The following DYNC1I1 variants were observed in gnomAD, a reference collection of about 807,000 sequenced individuals.
DYNC1I1 encodes dynein cytoplasmic 1 intermediate chain 1.
DYNC1I1 carries 43 observed loss-of-function variants against 86.6 expected under a neutral mutation model. The observed-to-expected ratio is 0.50, with a 90% CI of 0.39 to 0.64. DYNC1I1 has a LOEUF of 0.64. DYNC1I1 is among the 30% of genes least tolerant of loss of function. DYNC1I1 has a pLI of 0.00. For synonymous variants in DYNC1I1, 262 were observed against 283.7 expected (o/e 0.92, Z 0.77); for missense variants, 604 against 788.8 (o/e 0.77, Z 2.81).
chr7:95,923,500 T>C (rs1215038142), intron 6 of DYNC1I1, among the ~76,000 whole-genome samples: 1 of 152,172 alleles, frequency 6.6e-6, no homozygotes, highest in Admixed American at 6.6e-5. Flanking sequence ...ATGAGGTTTC[T>C]TGTGAAGCTT....
intron 10 of DYNC1I1, among the ~76,000 whole-genome samples, chr7:96,017,837 A>G (rs1003443115): frequency 2.6e-5 from 4 of 152,184 alleles, no homozygotes; most frequent in Non-Finnish European, 5.9e-5. Flanking sequence ...TGACAAGATG[A>G]AAACAAAGCA....
chr7:95,820,922 G>T (rs1795061130), intron 4 of DYNC1I1, among the ~76,000 whole-genome samples: 1 of 152,192 alleles, frequency 6.6e-6, no homozygotes, highest in Non-Finnish European at 1.5e-5. Context: ...TCCTTCTTCA[G>T]TATGGAAGTG....
At chr7:95,899,762 G>A (rs1008899316) in intron 6 of DYNC1I1, among the ~76,000 whole-genome samples, 2 of 152,066 alleles carry the variant, frequency 1.3e-5, no homozygotes, top group Non-Finnish European at 2.9e-5. Flanking sequence ...AGCACGGAGG[G>A]GAAGAAAAAT....
chr7:95,952,850 C>T (rs1158120713), intron 6 of DYNC1I1, among the ~76,000 whole-genome samples: 2 of 151,834 alleles, frequency 1.3e-5, no homozygotes, highest in East Asian at 1.9e-4. Flanking sequence ...CATTTTTGGA[C>T]TTGCTTCAGT....
downstream of DYNC1I1, among the ~76,000 whole-genome samples, chr7:96,100,368 C>CTTCCTTCCTTCCT (rs200447767): frequency 7.1e-6 from 1 of 141,294 alleles, no homozygotes; most frequent in Non-Finnish European, 1.5e-5. Flanking sequence ...TCCTTCCTTC[C>CTTCCTTCCTTCCT]TTCCTTCCTT....
chr7:95,925,188 G>A lies in DYNC1I1; in HGVS notation c.491-52324G>A, dbSNP rs562198956. ...GTGGCTGGGATGGTTCATGTAAGTG[G>A]GGACAAGACTTGCCAATATGTTATC... is the stretch of plus-strand genomic sequence containing the variant. On this transcript the variant is annotated intron_variant, in intron 6 of 16. Coordinates refer to ENST00000447467, the MANE Select transcript of DYNC1I1 (RefSeq NM_001135556.2). Among the ~76,000 whole-genome samples, 8 of 152,196 alleles carry A rather than the reference G, an allele frequency of 5.3e-5. No individual in the cohort carries two copies. In the East Asian group the frequency reaches 1.5e-3, roughly 29 times the overall value.
At chr7:96,006,376 C>G (rs926976780) in intron 10 of DYNC1I1, among the ~76,000 whole-genome samples, 15 of 152,092 alleles carry the variant, frequency 9.9e-5, no homozygotes, top group Non-Finnish European at 1.8e-4. Flanking sequence ...CCCACCTGAG[C>G]CTTTCTCCCC....
In DYNC1I1 at chr7:96,097,797, A is replaced by C; in HGVS notation, c.*204A>C. 1 of 1,306,836 alleles carries C rather than the reference A, an allele frequency of 7.7e-7. No homozygotes were observed. Among genetic ancestry groups the C allele is most frequent in the South Asian group, 2.4e-5 (1 of 42,280 alleles). 81.0% of individuals were successfully genotyped at this position (1,306,836 alleles called of 1,614,324 possible). On this transcript the variant is annotated 3_prime_UTR_variant, in exon 17 of 17. Transcript: ENST00000447467. Reference sequence around the variant, plus strand: ...ACCCAAAATTCACCACAGCATTTCTATCTTTATATTTCTGTCTCAAAAATG... The same window carrying C: ...ACCCAAAATTCACCACAGCATTTCTCTCTTTATATTTCTGTCTCAAAAATG...
chr7:95,954,915 C>CAAAAAAAA lies in DYNC1I1; in HGVS notation c.491-22581_491-22574dup, dbSNP rs58435060. 2.0e-3 allele frequency among the ~76,000 whole-genome samples: 165 copies of CAAAAAAAA among 81,838 alleles called. 8 individuals are homozygous for CAAAAAAAA. The highest frequency in any genetic ancestry group is 7.2e-3 in the African/African-American group (153 of 21,352). The allele number at this position is 81,838 out of a possible 152,430, so 53.7% of individuals were successfully genotyped here. On this transcript the variant is annotated intron_variant, in intron 6 of 16. Coordinates refer to ENST00000447467, the MANE Select transcript of DYNC1I1 (RefSeq NM_001135556.2). The stretch of plus-strand genomic sequence containing the variant: ...TGGGCAACAGAGCAAGACTCTGTCT[C>CAAAAAAAA]AAAAAAAAAAAAAAAAAAAAAAAGA...
chr7:96,043,129 A>G (rs1361977832), intron 14 of DYNC1I1, among the ~76,000 whole-genome samples: 1 of 150,748 alleles, frequency 6.6e-6, no homozygotes, highest in Non-Finnish European at 1.5e-5. Context: ...AGATCGTGCC[A>G]CTGCACTCCA....
At chr7:95,898,934 A>G (rs571371938) in intron 6 of DYNC1I1, among the ~76,000 whole-genome samples, 2 of 152,350 alleles carry the variant, frequency 1.3e-5, no homozygotes, top group Admixed American at 1.3e-4. Flanking sequence ...CTATCCTATA[A>G]ACCACAACAC....
rs1268003690 is a variant in DYNC1I1 at position 95,782,642 on chromosome 7, C to G, written c.-10+9869C>G. ...GTCCGTAGATGGCTAAGTATTAAAC[C>G]AGCTTGTGCAGAGATAAGGTGACAG... On this transcript the variant is annotated intron_variant, in intron 1 of 16. Coordinates refer to ENST00000447467, the MANE Select transcript of DYNC1I1 (RefSeq NM_001135556.2). Among the ~76,000 whole-genome samples the G allele has an allele frequency of 2.0e-5, 3 of 152,174 alleles. 1 individual carries two copies. In the Middle Eastern group the frequency reaches 9.5e-3, roughly 482 times the overall value.
At chr7:95,980,321 A>T (rs1406763382) in intron 7 of DYNC1I1, among the ~76,000 whole-genome samples, 3 of 150,152 alleles carry the variant, frequency 2.0e-5, no homozygotes, top group Admixed American at 6.6e-5. Flanking sequence ...TTTTTTTTTT[A>T]AAGCAAGACA....
intron 16 of DYNC1I1, among the ~76,000 whole-genome samples, chr7:96,083,410 GAA>G (rs1790580660): frequency 6.6e-6 from 1 of 151,910 alleles, no homozygotes; most frequent in Non-Finnish European, 1.5e-5. Context: ...GTACTAAAAG[GAA>G]AAATGACTTC....
chr7:95,943,189 A>G (rs1792286085), intron 6 of DYNC1I1, among the ~76,000 whole-genome samples: 1 of 151,680 alleles, frequency 6.6e-6, no homozygotes. Context: ...AGGATACAAA[A>G]TCAATGTACA....
intron 16 of DYNC1I1, among the ~76,000 whole-genome samples, chr7:96,104,666 A>G (rs1791188197): frequency 1.3e-5 from 2 of 152,136 alleles, no homozygotes; most frequent in Admixed American, 1.3e-4. Context: ...TTCTTGGTAG[A>G]AAAACAATTG....
chr7:95,844,822 G>A (rs1789383647), intron 5 of DYNC1I1, among the ~76,000 whole-genome samples: 1 of 152,146 alleles, frequency 6.6e-6, no homozygotes, highest in Non-Finnish European at 1.5e-5. Flanking sequence ...GTGAATTGGG[G>A]AAGCTGCAAA....
chr7:95,916,185 A>G (rs1033650234), intron 6 of DYNC1I1, among the ~76,000 whole-genome samples: 5 of 152,372 alleles, frequency 3.3e-5, no homozygotes, highest in Admixed American at 3.3e-4. Context: ...AAATATTTCT[A>G]ACTAAAAATT....
intron 4 of DYNC1I1, chr7:95,818,494 T>G: frequency 5.5e-6 from 3 of 545,022 alleles, no homozygotes; most frequent in Non-Finnish European, 6.4e-6. Context: ...TTTTTTTTTT[T>G]GTAGAGACGA....
Sources: gnomAD v4.1 joint callset for allele counts (sites outside exome capture counted in the v4.1 genomes callset) on GRCh38, gnomAD v4.1.1 for gene constraint, MANE v1.5 for transcripts, NCBI Gene and HGNC (gene_info 2026-07-23, HGNC 2026-07-21) for gene names.